Variants in COL25A1 observed in about 807,000 individuals in gnomAD.
COL25A1 encodes collagen alpha-1(XXV) chain.
Under a neutral mutation model 128.4 loss-of-function variants are expected in COL25A1, and 103 were observed. The observed-to-expected ratio is 0.80, with a 90% CI of 0.68 to 0.94. COL25A1 has a LOEUF of 0.94. Ranked by LOEUF, COL25A1 falls within the 40% of genes least tolerant of loss-of-function variation. The pLI is 0.00. For synonymous variants in COL25A1, 279 were observed against 277.2 expected, an observed-to-expected ratio of 1.01 and a Z score of -0.06; for missense variants, 745 against 840.0, an observed-to-expected ratio of 0.89 and a Z score of 1.40.
At chr4:108,955,209 C>T (rs1450457569) in intron 8 of COL25A1, among the ~76,000 whole-genome samples, 1 of 151,342 alleles carries the variant, frequency 6.6e-6, no homozygotes, top group Non-Finnish European at 1.5e-5. Context: ...AAGTAAGACA[C>T]ATTAAAGAGA....
At chr4:109,186,374 G>A (rs1160335646) in intron 3 of COL25A1, among the ~76,000 whole-genome samples, 1 of 151,798 alleles carries the variant, frequency 6.6e-6, no homozygotes, top group Non-Finnish European at 1.5e-5. Context: ...TGTATTCTCT[G>A]GATTTTTAAT....
intron 8 of COL25A1, among the ~76,000 whole-genome samples, chr4:108,942,929 T>C (rs982493798): frequency 2.0e-5 from 3 of 151,760 alleles, no homozygotes; most frequent in African/African-American, 4.8e-5. Context: ...CTAATTTTTG[T>C]ATTTGTAGTA....
rs1180487711 is a variant in COL25A1 at position 109,203,743 on chromosome 4, T to TAAATAAAA, written c.367+96839_367+96840insTTTTATTT. On this transcript the variant is annotated intron_variant, in intron 3 of 37. Transcript: ENST00000399132. ...AAGAAAATAAATAAAAGTAAAGCAA[T>TAAATAAAA]GTTTAATTCCAAGGGAAAAATTTAA... Among the ~76,000 whole-genome samples the TAAATAAAA allele has an allele frequency of 8.4e-3, 1,281 of 152,234 alleles. 55 individuals carry two copies. The South Asian group carries it at 0.14, about 16-fold the overall frequency.
intron 5 of COL25A1, among the ~76,000 whole-genome samples, chr4:109,046,503 C>T (rs762315739): frequency 3.8e-4 from 58 of 152,270 alleles, no homozygotes; most frequent in Middle Eastern, 6.8e-3. Flanking sequence ...CTACTCCAGC[C>T]GTAACCTCAG....
At chr4:109,154,489 C>T (rs1290073456) in intron 3 of COL25A1, among the ~76,000 whole-genome samples, 2 of 152,264 alleles carry the variant, frequency 1.3e-5, no homozygotes, top group East Asian at 3.9e-4. Context: ...AGGAGTGGAT[C>T]GCTGAGAAGG....
chr4:108,995,185 T>C (rs57430802), intron 6 of COL25A1, among the ~76,000 whole-genome samples: 187 of 152,262 alleles, frequency 1.2e-3, no homozygotes, highest in African/African-American at 4.4e-3. Flanking sequence ...TGAAGGAGCA[T>C]ATTTTAACCC....
chr4:109,070,083 C>T (rs1300714887), intron 3 of COL25A1, among the ~76,000 whole-genome samples: 2 of 150,848 alleles, frequency 1.3e-5, no homozygotes, highest in Non-Finnish European at 3.0e-5. Flanking sequence ...GGTGAAACCC[C>T]GTCTCTACTA....
intron 3 of COL25A1, among the ~76,000 whole-genome samples, chr4:109,158,250 G>A (rs1402286549): frequency 6.6e-6 from 1 of 151,910 alleles, no homozygotes; most frequent in Non-Finnish European, 1.5e-5. Context: ...GGTTGCAGGG[G>A]GATATCTTTG....
intron 25 of COL25A1, 149 bp from the exon 26 acceptor site, chr4:108,852,429 T>C (rs1401436881): frequency 1.6e-6 from 1 of 624,810 alleles, no homozygotes; most frequent in Admixed American, 3.5e-5. Context: ...ATTTTACTAG[T>C]TACATAATTA....
At chr4:109,040,763 CAT>C (rs1335168332) in intron 5 of COL25A1, among the ~76,000 whole-genome samples, 1 of 152,196 alleles carries the variant, frequency 6.6e-6, no homozygotes, top group Non-Finnish European at 1.5e-5. Flanking sequence ...GGTGTCCAAT[CAT>C]CAACTAATAG....
chr4:108,817,288 A>C, intron 37 of COL25A1, 109 bp downstream of exon 37: 1 of 940,748 alleles, frequency 1.1e-6, no homozygotes, highest in Non-Finnish European at 1.7e-6. Context: ...TCTGGAGATG[A>C]AATCTTTTGC....
chr4:109,129,317 C>T lies in COL25A1; in HGVS notation c.368-79138G>A, dbSNP rs760623530. On this transcript the variant is annotated intron_variant, in intron 3 of 37. Transcript: ENST00000399132. ...GCTAATTTTGTATTTTTAGTAGAGA[C>T]GGGGTTTCTCCATATTGGTCAGGCT... 4.0e-5 allele frequency among the ~76,000 whole-genome samples: 6 copies of T among 151,824 alleles called. 1 individual carries two copies. Among genetic ancestry groups the T allele is most frequent in the Admixed American group, 2.0e-4 (3 of 15,240 alleles).
chr4:109,000,055 T>C (rs1163744152), intron 6 of COL25A1, among the ~76,000 whole-genome samples: 1 of 152,074 alleles, frequency 6.6e-6, no homozygotes, highest in African/African-American at 2.4e-5. Context: ...ACATGGCACA[T>C]GTATACCTAT....
At chr4:109,175,687 A>T (rs1774028674) in intron 3 of COL25A1, among the ~76,000 whole-genome samples, 1 of 152,212 alleles carries the variant, frequency 6.6e-6, no homozygotes, top group South Asian at 2.1e-4. Context: ...CGAATAAAAT[A>T]TTTCAATATC....
intron 20 of COL25A1, 50 bp from the exon 21 acceptor site, chr4:108,863,437 G>T (rs372376332): frequency 2.7e-6 from 4 of 1,490,028 alleles, no homozygotes; most frequent in Non-Finnish European, 3.7e-6. Flanking sequence ...CACCCAGGCT[G>T]GTCCCTGTAG....
At chr4:108,834,714 T>G (rs542954758) in intron 31 of COL25A1, among the ~76,000 whole-genome samples, 1 of 152,296 alleles carries the variant, frequency 6.6e-6, no homozygotes, top group African/African-American at 2.4e-5. Flanking sequence ...CCATATGAAA[T>G]TCATTTTCTA....
chr4:109,163,998 G>A (rs1380709869), intron 3 of COL25A1, among the ~76,000 whole-genome samples: 1 of 151,974 alleles, frequency 6.6e-6, no homozygotes, highest in Non-Finnish European at 1.5e-5. Flanking sequence ...ATAAATTAAC[G>A]AGTGGTATGG....
intron 6 of COL25A1, among the ~76,000 whole-genome samples, chr4:108,995,061 C>T (rs192952722): frequency 6.6e-6 from 1 of 152,284 alleles, no homozygotes; most frequent in Admixed American, 6.5e-5. Context: ...GCCTCTTCTC[C>T]TCCAAAGGAT....
chr4:109,266,478 T>C (rs1033158866), intron 3 of COL25A1, among the ~76,000 whole-genome samples: 3 of 152,166 alleles, frequency 2.0e-5, no homozygotes, highest in Non-Finnish European at 4.4e-5. Flanking sequence ...AAAGGCTCCA[T>C]TGACCCTAAA....
Sources: allele counts gnomAD v4.1 joint callset (sites outside exome capture counted in the v4.1 genomes callset), GRCh38; gene constraint gnomAD v4.1.1; transcripts MANE v1.5; gene names NCBI Gene and HGNC (gene_info 2026-07-23, HGNC 2026-07-21).